Variants in SCAF8 observed in about 807,000 individuals in gnomAD.
The protein encoded by SCAF8 is SR-related and CTD-associated factor 8.
Under a neutral mutation model 140.5 loss-of-function variants are expected in SCAF8, and 23 were observed. The observed-to-expected ratio is 0.16, with a 90% CI of 0.12 to 0.23. SCAF8 has a LOEUF of 0.23. Ranked by LOEUF, SCAF8 falls within the 10% of genes least tolerant of loss-of-function variation. The pLI is 1.00. For missense variants in SCAF8, 1,397 were observed against 1,555.7 expected (o/e 0.90, Z 1.72); for synonymous variants, 575 against 528.9 (o/e 1.09, Z -1.20).
intron 5 of SCAF8, among the ~76,000 whole-genome samples, chr6:154,793,558 T>TA (rs1397964217): frequency 6.6e-6 from 1 of 151,928 alleles, no homozygotes; most frequent in African/African-American, 2.4e-5. Flanking sequence ...CTAACACCTG[T>TA]AATCCTAGCA....
chr6:154,756,289 C>T (rs956981711), intron 1 of SCAF8, among the ~76,000 whole-genome samples: 3 of 152,118 alleles, frequency 2.0e-5, no homozygotes, highest in African/African-American at 4.8e-5. Context: ...TGCAGAATAA[C>T]CTGTGATTAC....
At position 154,733,437 on chromosome 6, in the gene SCAF8, G is replaced by C; in HGVS notation, c.-464G>C. 7.2e-7 allele frequency: 1 copy of C among 1,396,366 alleles called. No individual in the cohort carries two copies. The highest frequency in any genetic ancestry group is 9.3e-7 in the Non-Finnish European group (1 of 1,074,694). The allele number at this position is 1,396,366 out of a possible 1,614,324, so 86.5% of individuals were successfully genotyped here. A position where few individuals can be genotyped will look rare whatever the true frequency, so the allele number is the denominator to read the frequency against. On this transcript the variant is annotated 5_prime_UTR_variant, in exon 1 of 20. Transcript: ENST00000367178. ...CGCCATATTGGATGCCGCAGCCGCTGCTGCCAGCGCTTCCTCCTCTGTCTT... is the reference window on the plus strand; with the variant it reads ...CGCCATATTGGATGCCGCAGCCGCTCCTGCCAGCGCTTCCTCCTCTGTCTT...
chr6:154,733,696 G>A lies in SCAF8; in HGVS notation c.-205G>A, dbSNP rs1778324770. Reference sequence around the variant, plus strand: ...AGAACGGCGCTCCCCCCGCCCTAGCGGCCATGCCGGTGCCGCTCTGCCGCT... The same window carrying A: ...AGAACGGCGCTCCCCCCGCCCTAGCAGCCATGCCGGTGCCGCTCTGCCGCT... On this transcript the variant is annotated 5_prime_UTR_variant, in exon 1 of 20. Transcript: ENST00000367178. 4 of 1,257,448 alleles carry A rather than the reference G, an allele frequency of 3.2e-6. No individual in the cohort carries two copies. The highest frequency in any genetic ancestry group is 4.0e-6 in the Non-Finnish European group (4 of 1,000,972). The allele number at this position is 1,257,448 out of a possible 1,614,324, so 77.9% of individuals were successfully genotyped here.
At chr6:154,743,413 C>G (rs1322851855) in intron 1 of SCAF8, among the ~76,000 whole-genome samples, 2 of 152,184 alleles carry the variant, frequency 1.3e-5, no homozygotes, top group East Asian at 3.8e-4. Context: ...TCTCCACATG[C>G]ATGATTTTAA....
intron 17 of SCAF8, among the ~76,000 whole-genome samples, 162 bp from the exon 18 acceptor site, chr6:154,827,010 C>T (rs1357466406): frequency 1.3e-5 from 2 of 151,910 alleles, no homozygotes; most frequent in African/African-American, 2.4e-5. Flanking sequence ...TCAAATAAGG[C>T]AGCGTATATA....
At chr6:154,813,929 C>T (rs1778171312) in intron 12 of SCAF8, among the ~76,000 whole-genome samples, 1 of 152,198 alleles carries the variant, frequency 6.6e-6, no homozygotes, top group South Asian at 2.1e-4. Flanking sequence ...AGATTCTCCC[C>T]TAGAGCCCTC....
chr6:154,762,495 G>A (rs1477702201), intron 1 of SCAF8, among the ~76,000 whole-genome samples: 2 of 152,088 alleles, frequency 1.3e-5, no homozygotes, highest in South Asian at 2.1e-4. Flanking sequence ...TATCATCGGA[G>A]TGACTGTCCC....
At chr6:154,738,075 C>T (rs753778348) in intron 1 of SCAF8, among the ~76,000 whole-genome samples, 10 of 150,950 alleles carry the variant, frequency 6.6e-5, no homozygotes, top group Non-Finnish European at 1.0e-4. Flanking sequence ...GTCTTAGCTA[C>T]TTGGGAGGCT....
intron 4 of SCAF8, among the ~76,000 whole-genome samples, chr6:154,792,463 T>C (rs771425127): frequency 2.6e-5 from 4 of 152,172 alleles, no homozygotes; most frequent in South Asian, 2.1e-4. Context: ...ACTATAAATA[T>C]AACGTTAGTA....
intron 17 of SCAF8, 41 bp from the exon 18 acceptor site, chr6:154,827,130 AT>A: frequency 6.6e-7 from 1 of 1,509,016 alleles, no homozygotes; most frequent in Non-Finnish European, 9.1e-7. Context: ...AAAATAAGTA[AT>A]TTTTCTTGTG....
chr6:154,833,163 T>A lies in SCAF8; in HGVS notation c.3584T>A (p.Val1195Asp). The change falls in exon 20 of 20, where the codon GTT (valine) becomes GAT (aspartate). Residue 1195 changes from valine (V) to aspartate (D), a missense_variant. By Grantham distance (152) the Val-to-Asp change is radical. This residue lies in a region of SCAF8 where 930 missense variants were observed against 874.6 expected (regional missense o/e 1.06). Transcript: ENST00000367178. ...TGGGTTCCCCCTCCTCATGCTCGGG[T>A]TTTTGATTATTTTGAAGGGGCCACT... ...NTWVPPPHAR[V>D]FDYFEGATSQ... 6.2e-7 allele frequency: 1 copy of A among 1,613,928 alleles called. No homozygotes were observed. Among genetic ancestry groups the A allele is most frequent in the Non-Finnish European group, 8.5e-7 (1 of 1,179,966 alleles).
intron 1 of SCAF8, among the ~76,000 whole-genome samples, chr6:154,768,028 C>T (rs1562435282): frequency 6.6e-6 from 1 of 152,058 alleles, no homozygotes; most frequent in Non-Finnish European, 1.5e-5. Context: ...CAATTCTGTA[C>T]CCACACAGAG....
intron 2 of SCAF8, among the ~76,000 whole-genome samples, chr6:154,776,175 A>T (rs1483948661): frequency 6.6e-6 from 1 of 151,070 alleles, no homozygotes; most frequent in Admixed American, 6.6e-5. Flanking sequence ...AAGATCACAC[A>T]TTATACTTAT....
At chr6:154,738,195 CAAAAA>C (rs555772506) in intron 1 of SCAF8, among the ~76,000 whole-genome samples, 1 of 119,528 alleles carries the variant, frequency 8.4e-6, no homozygotes, top group Non-Finnish European at 1.8e-5. Flanking sequence ...GACTCTGCTT[CAAAAA>C]AAAAAAAAAG....
intron 14 of SCAF8, 135 bp from the exon 15 acceptor site, chr6:154,820,042 G>A: frequency 3.2e-6 from 2 of 618,700 alleles, no homozygotes; most frequent in East Asian, 3.5e-5. Flanking sequence ...TAGTTTTTCA[G>A]CTTTGCTTTT....
At chr6:154,815,016 G>A (rs1333246629) in intron 12 of SCAF8, among the ~76,000 whole-genome samples, 2 of 152,180 alleles carry the variant, frequency 1.3e-5, no homozygotes, top group Non-Finnish European at 2.9e-5. Context: ...AAGGTTCACA[G>A]GCCGGGTGCG....
chr6:154,738,391 G>T lies in SCAF8; in HGVS notation c.30+4461G>T, dbSNP rs371130636. ...TGTGTTAAAAATTACTATGTCAGAA[G>T]ATCCTTTAATTGTGCAGGAATTATG... On this transcript the variant is annotated intron_variant, in intron 1 of 19. Coordinates refer to ENST00000367178, the MANE Select transcript of SCAF8 (RefSeq NM_014892.5). Among the ~76,000 whole-genome samples the T allele has an allele frequency of 9.2e-5, 14 of 152,240 alleles. No individual in the cohort carries two copies. The East Asian group carries it at 2.7e-3, about 29-fold the overall frequency.
At chr6:154,741,856 A>C (rs1778579448) in intron 1 of SCAF8, 2 of 718,440 alleles carry the variant, frequency 2.8e-6, no homozygotes, top group African/African-American at 1.8e-5. Flanking sequence ...GAATGTAATC[A>C]ACCTTGACCT....
Position 154,810,084 on chromosome 6 carries a change from C to G in SCAF8, c.1296C>G (p.Arg432=). 1 of 1,613,822 alleles carries G rather than the reference C, an allele frequency of 6.2e-7. No individual in the cohort carries two copies. Among genetic ancestry groups the G allele is most frequent in the Non-Finnish European group, 8.5e-7 (1 of 1,179,900 alleles). The change falls in exon 12 of 20, where the codon CGC becomes CGG. Residue 432 remains arginine (R), a synonymous_variant. Transcript: ENST00000367178. ...SRKRKHRKRS[R]SRSRERKRKS... ...AGCGTAAACACAGAAAGCGATCACGCTCCCGCTCAAGAGAAAGAAAGAGGA... is the reference window on the plus strand; with the variant it reads ...AGCGTAAACACAGAAAGCGATCACGGTCCCGCTCAAGAGAAAGAAAGAGGA...
Sources: allele counts gnomAD v4.1 joint callset (sites outside exome capture counted in the v4.1 genomes callset), GRCh38; gene constraint gnomAD v4.1.1; regional missense constraint gnomAD v4.1.1; transcripts MANE v1.5; gene names NCBI Gene and HGNC (gene_info 2026-07-23, HGNC 2026-07-21).